Variants in SOX5 observed in about 807,000 individuals in gnomAD.
The protein encoded by SOX5 is transcription factor SOX-5.
SOX5 carries 9 observed loss-of-function variants against 92.0 expected under a neutral mutation model. That is an observed-to-expected ratio of 0.10 (90% CI 0.06 to 0.17). The LOEUF (loss-of-function observed/expected upper bound fraction) is 0.17. Ranked by LOEUF, SOX5 falls within the 10% of genes least tolerant of loss-of-function variation. SOX5 has a pLI of 1.00. For synonymous variants in SOX5, 344 were observed against 336.3 expected, an observed-to-expected ratio of 1.02 and a Z score of -0.25; for missense variants, 642 against 944.5, an observed-to-expected ratio of 0.68 and a Z score of 4.20.
chr12:23,888,504 T>C (rs2097095361), intron 2 of SOX5, among the ~76,000 whole-genome samples: 1 of 152,192 alleles, frequency 6.6e-6, no homozygotes, highest in African/African-American at 2.4e-5. Context: ...ACTGTGGACA[T>C]CATATGAATG....
intron 4 of SOX5, among the ~76,000 whole-genome samples, chr12:23,746,424 CT>C (rs1207165444): frequency 6.6e-6 from 1 of 152,108 alleles, no homozygotes; most frequent in African/African-American, 2.4e-5. Flanking sequence ...TATATATGAA[CT>C]TGCTCCATCT....
chr12:24,466,517 G>A (rs1039276484), intron 1 of SOX5, among the ~76,000 whole-genome samples: 2 of 152,290 alleles, frequency 1.3e-5, no homozygotes, highest in African/African-American at 2.4e-5. Flanking sequence ...ACACAGGTTT[G>A]TAGAACACAT....
chr12:23,973,083 C>A (rs1022302702), intron 4 of SOX5, among the ~76,000 whole-genome samples: 3 of 152,064 alleles, frequency 2.0e-5, no homozygotes, highest in Non-Finnish European at 2.9e-5. Flanking sequence ...TCTTTCCATG[C>A]CTAGCTTGTT....
chr12:23,895,661 C>T (rs570319204), intron 2 of SOX5, 132 bp downstream of exon 2: 34 of 668,044 alleles, frequency 5.1e-5, no homozygotes, highest in Admixed American at 1.9e-4. Context: ...AATTCTAAGA[C>T]GCCAGGGGTG....
At chr12:23,579,192 T>C (rs1312107787) in intron 9 of SOX5, among the ~76,000 whole-genome samples, 1 of 152,188 alleles carries the variant, frequency 6.6e-6, no homozygotes, top group East Asian at 1.9e-4. Flanking sequence ...AAAGCATTTA[T>C]TAGAGCAAGA....
intron 1 of SOX5, among the ~76,000 whole-genome samples, chr12:24,401,735 A>C (rs1961710903): frequency 6.7e-6 from 1 of 149,598 alleles, no homozygotes; most frequent in African/African-American, 2.4e-5. Context: ...AAAAAAAAAA[A>C]AATTGCAAAA....
At chr12:23,573,891 TA>T (rs938478258) in intron 10 of SOX5, among the ~76,000 whole-genome samples, 74 of 152,178 alleles carry the variant, frequency 4.9e-4, no homozygotes, top group African/African-American at 1.7e-3. Flanking sequence ...CAGATAATAA[TA>T]AATGTTAAAC....
intron 1 of SOX5, among the ~76,000 whole-genome samples, chr12:24,498,600 C>T (rs766121970): frequency 1.3e-5 from 2 of 152,156 alleles, no homozygotes; most frequent in South Asian, 4.2e-4. Flanking sequence ...CAAATATATA[C>T]TGACTGCCTC....
chr12:24,388,309 T>C (rs1958629528), intron 1 of SOX5, among the ~76,000 whole-genome samples: 2 of 152,190 alleles, frequency 1.3e-5, no homozygotes, highest in South Asian at 4.1e-4. Context: ...GGATGCTGAC[T>C]GCCATGGATC....
intron 2 of SOX5, among the ~76,000 whole-genome samples, chr12:24,332,263 A>G (rs1232493028): frequency 2.6e-5 from 4 of 152,238 alleles, no homozygotes; most frequent in Admixed American, 2.6e-4. Flanking sequence ...GAATTAGCCT[A>G]GGATCTAATT....
chr12:23,664,113 A>C (rs999393529), intron 7 of SOX5, among the ~76,000 whole-genome samples: 3 of 152,144 alleles, frequency 2.0e-5, no homozygotes, highest in African/African-American at 7.2e-5. Flanking sequence ...ATTGCTTTGC[A>C]TATTTAAGAA....
At chr12:24,380,128 C>T (rs1354821532) in intron 1 of SOX5, among the ~76,000 whole-genome samples, 1 of 152,194 alleles carries the variant, frequency 6.6e-6, no homozygotes, top group African/African-American at 2.4e-5. Flanking sequence ...AACACAATAA[C>T]TGCAAGAACC....
rs532801741 is a variant in SOX5 at position 24,444,004 on chromosome 12, C to G, written c.-250-75365G>C. 2.0e-5 allele frequency among the ~76,000 whole-genome samples: 3 copies of G among 152,290 alleles called. No homozygotes were observed. The South Asian group carries it at 6.2e-4, about 32-fold the overall frequency. ...CTGTGGTCTTTAAACTAGCGTTTAC[C>G]TACCCAAGAGGTGAGATGTGGGGAT... On this transcript the variant is annotated intron_variant, in intron 1 of 4. Transcript: ENST00000446891.
chr12:23,908,734 A>G (rs773084018), intron 1 of SOX5, among the ~76,000 whole-genome samples: 6 of 152,062 alleles, frequency 3.9e-5, no homozygotes, highest in Non-Finnish European at 7.4e-5. Flanking sequence ...AAAGACGATG[A>G]GCATCTATCA....
intron 1 of SOX5, among the ~76,000 whole-genome samples, chr12:24,413,180 C>G (rs4505147): frequency 3.3e-5 from 5 of 151,850 alleles, no homozygotes; most frequent in African/African-American, 4.8e-5. Context: ...GTGAGTTTGT[C>G]TATTTCTCCT....
chr12:23,669,331 G>C (rs2084369516), intron 6 of SOX5, among the ~76,000 whole-genome samples: 1 of 152,028 alleles, frequency 6.6e-6, no homozygotes, highest in African/African-American at 2.4e-5. Flanking sequence ...AGCAGAGACA[G>C]AGACATAAGA....
chr12:23,728,099 C>A (rs554781709), intron 6 of SOX5, among the ~76,000 whole-genome samples: 5 of 152,272 alleles, frequency 3.3e-5, no homozygotes, highest in East Asian at 1.9e-4. Context: ...GTTATCCTTA[C>A]GAACCCTTCA....
chr12:23,640,250 A>G (rs571631967), intron 8 of SOX5, among the ~76,000 whole-genome samples: 1 of 152,328 alleles, frequency 6.6e-6, no homozygotes, highest in Non-Finnish European at 1.5e-5. Flanking sequence ...TTCTCGGATT[A>G]TAGGAATATA....
At chr12:23,927,447 C>T (rs1244287234) in intron 1 of SOX5, among the ~76,000 whole-genome samples, 6 of 152,042 alleles carry the variant, frequency 3.9e-5, no homozygotes, top group African/African-American at 1.4e-4. Flanking sequence ...GCTTTATATA[C>T]ACACATACAT....
Sources: allele counts gnomAD v4.1 joint callset (sites outside exome capture counted in the v4.1 genomes callset), GRCh38; gene constraint gnomAD v4.1.1; transcripts MANE v1.5; gene names NCBI Gene and HGNC (gene_info 2026-07-23, HGNC 2026-07-21).